The following EXOSC10 variants were observed in gnomAD, a reference collection of about 807,000 sequenced individuals.
EXOSC10 encodes the protein exosome complex component 10.
EXOSC10 carries 94 observed loss-of-function variants against 126.6 expected under a neutral mutation model. The ratio of observed to expected loss-of-function variants is 0.74; its 90% CI spans 0.63 to 0.88. The LOEUF (loss-of-function observed/expected upper bound fraction) is 0.88, where lower values mean the gene tolerates loss of function less well. Among genes scored for constraint, EXOSC10 ranks in the 40% least tolerant of loss-of-function variants. The probability of loss-of-function intolerance (pLI) is 0.00; values close to 1 mark genes in which losing one functional copy is unlikely to be tolerated. For missense variants in EXOSC10, 1,041 were observed against 1,100.5 expected, an observed-to-expected ratio of 0.95 and a Z score of 0.77; for synonymous variants, 395 against 400.8, an observed-to-expected ratio of 0.99 and a Z score of 0.17.
At chr1:11,075,318 C>A (rs1188898850) in intron 17 of EXOSC10, among the ~76,000 whole-genome samples, 2 of 152,128 alleles carry the variant, frequency 1.3e-5, no homozygotes, top group African/African-American at 4.8e-5. Context: ...CACGCCAGGC[C>A]TGAAATTTAG....
Position 11,073,958 on chromosome 1 carries a change from G to A in EXOSC10, c.2133C>T (p.Phe711=), listed in dbSNP as rs373184731. The part of the protein sequence containing the change: ...HRAPVSQAAK[F]DPSTKIYEIS... ...CTTCATAGATTTTGGTTGATGGATC[G>A]AACTTCGCTGCCTGAGAGACGGGAG... The change falls in exon 19 of 25, where the codon TTC becomes TTT. Residue 711 remains phenylalanine (F), a synonymous_variant. Coordinates refer to ENST00000376936, the MANE Select transcript of EXOSC10 (RefSeq NM_001001998.3). 2.5e-5 allele frequency: 40 copies of A among 1,612,482 alleles called. No homozygotes were observed. The highest frequency in any genetic ancestry group is 1.4e-4 in the South Asian group (13 of 91,028).
At chr1:11,068,549 G>T in intron 23 of EXOSC10, 96 bp downstream of exon 23, 1 of 921,570 alleles carries the variant, frequency 1.1e-6, no homozygotes, top group Non-Finnish European at 1.8e-6. Context: ...GATATGCAAA[G>T]GAATGGACTC....
Position 11,070,013 on chromosome 1 carries a change from A to G in EXOSC10, c.2317-283T>C, listed in dbSNP as rs113999862. Among the ~76,000 whole-genome samples, 594 of 152,110 alleles carry G rather than the reference A, an allele frequency of 3.9e-3. 2 individuals carry two copies. The highest frequency in any genetic ancestry group is 7.4e-3 in the Non-Finnish European group (504 of 67,988). ...TGCTTTGGGCGGCCTAGGTGGGAGG[A>G]CTGCTTTAGGCAGTCTGAGACCAGC... On this transcript the variant is annotated intron_variant, in intron 21 of 24. Coordinates refer to ENST00000376936, the MANE Select transcript of EXOSC10 (RefSeq NM_001001998.3).
rs780350936 is a variant in EXOSC10, at chr1:11,074,987, C to T, written c.1987-661G>A. 7.2e-5 allele frequency among the ~76,000 whole-genome samples: 11 copies of T among 152,202 alleles called. 1 individual carries two copies. The South Asian group carries it at 2.3e-3, about 32-fold the overall frequency. On this transcript the variant is annotated intron_variant, in intron 17 of 24. Coordinates refer to ENST00000376936, the MANE Select transcript of EXOSC10 (RefSeq NM_001001998.3). ...AGGATCTAAACCCACCATGGTCTGGCTCTAGAACATGAGGTCTTAATTGAT... is the reference window on the plus strand; with the variant it reads ...AGGATCTAAACCCACCATGGTCTGGTTCTAGAACATGAGGTCTTAATTGAT...
At chr1:11,086,369 A>T (rs1030621791) in intron 9 of EXOSC10, among the ~76,000 whole-genome samples, 2 of 152,156 alleles carry the variant, frequency 1.3e-5, no homozygotes, top group African/African-American at 4.8e-5. Context: ...TGTGTCGAGG[A>T]ATTTATCCAT....
At chr1:11,092,759 T>A (rs1404859582) in intron 3 of EXOSC10, among the ~76,000 whole-genome samples, 1 of 151,892 alleles carries the variant, frequency 6.6e-6, no homozygotes, top group Non-Finnish European at 1.5e-5. Context: ...CCTCAAGTGA[T>A]CCACCTGCCT....
chr1:11,090,594 AATC>A lies in EXOSC10; in HGVS notation c.715_717del (p.Asp239del). On this transcript the variant is annotated inframe_deletion, in exon 6 of 25. Coordinates refer to ENST00000376936, the MANE Select transcript of EXOSC10 (RefSeq NM_001001998.3). ...TGCTGGGTTCTCTGCTGATGGATGA[AATC>A]AGCCAGTGCAGGGGGGACGTCCAAG... The A allele has an allele frequency of 6.2e-7, 1 of 1,614,106 alleles. No homozygotes were observed. Among genetic ancestry groups the A allele is most frequent in the Non-Finnish European group, 8.5e-7 (1 of 1,180,004 alleles).
chr1:11,099,647 G>GAAT, intron 1 of EXOSC10, 74 bp downstream of exon 1: 2 of 1,415,368 alleles, frequency 1.4e-6, no homozygotes, highest in South Asian at 2.9e-5. Context: ...GCGGGCATTG[G>GAAT]CTGCCCAGAG....
Position 11,087,635 on chromosome 1 carries a change from A to G in EXOSC10, c.946-44T>C, listed in dbSNP as rs756157747. 10 of 1,603,086 alleles carry G rather than the reference A, an allele frequency of 6.2e-6. No individual in the cohort carries two copies. The Admixed American group carries it at 1.2e-4, about 19-fold the overall frequency. On this transcript the variant is annotated intron_variant, in intron 8 of 24. Transcript: ENST00000376936. The stretch of plus-strand genomic sequence containing the variant: ...GGGGAGAAGAGGAAAAACAAAGATT[A>G]TATTAGACTTTCCTTTACTGATTTT...
chr1:11,070,787 G>A (rs1012484550), intron 21 of EXOSC10, 113 bp downstream of exon 21: 37 of 911,796 alleles, frequency 4.1e-5, no homozygotes, highest in Non-Finnish European at 4.9e-5. Flanking sequence ...CCGGAAAGAA[G>A]TCAGGACTTA....
Position 11,074,018 on chromosome 1 carries a change from G to A in EXOSC10, c.2083-10C>T. On this transcript the variant is annotated splice_polypyrimidine_tract_variant and intron_variant, in intron 18 of 24. Coordinates refer to ENST00000376936, the MANE Select transcript of EXOSC10 (RefSeq NM_001001998.3). Reference sequence around the variant, plus strand: ...CCAGTGAGGGCAGAAACTGGAGGAAGGAAATGGCTGTGTGAAACGCTGCCG... The same window carrying A: ...CCAGTGAGGGCAGAAACTGGAGGAAAGAAATGGCTGTGTGAAACGCTGCCG... 1.9e-6 allele frequency: 3 copies of A among 1,613,600 alleles called. No individual in the cohort carries two copies. Among genetic ancestry groups the A allele is most frequent in the East Asian group, 2.2e-5 (1 of 44,892 alleles).
intron 14 of EXOSC10, among the ~76,000 whole-genome samples, chr1:11,078,838 G>A (rs1207244434): frequency 1.3e-5 from 2 of 152,270 alleles, no homozygotes; most frequent in East Asian, 3.9e-4. Context: ...TTACCAGACA[G>A]TACTTGCTGC....
At position 11,078,091 on chromosome 1, in the gene EXOSC10, A is replaced by C. The variant is rs1570807750; in HGVS notation, c.1750-440T>G. On this transcript the variant is annotated intron_variant, in intron 14 of 24. Transcript: ENST00000376936. ...GGTTCAAGACCAGTCTGGGAAACAC[A>C]GCAAGACCCATCTCTACAAAAAATT... 2.0e-5 allele frequency among the ~76,000 whole-genome samples: 3 copies of C among 152,170 alleles called. No individual in the cohort carries two copies. In the East Asian group the frequency reaches 5.8e-4, roughly 29 times the overall value.
At chr1:11,092,148 T>C (rs981586462) in intron 3 of EXOSC10, among the ~76,000 whole-genome samples, 5 of 152,254 alleles carry the variant, frequency 3.3e-5, no homozygotes, top group East Asian at 1.9e-4. Context: ...TGTAAGTTTT[T>C]GAGTTTACAA....
At position 11,088,208 on chromosome 1, in the gene EXOSC10, TAAAAC is replaced by T. The variant is rs1164852499; in HGVS notation, c.759-15_759-11del. On this transcript the variant is annotated splice_polypyrimidine_tract_variant and intron_variant, in intron 6 of 24. Transcript: ENST00000376936. Reference sequence around the variant, plus strand: ...ATAAGGATGTGCAAACCTGAGTAAATAAAACAAAAAGAGAAATCATTCTGATTAAT... The same window carrying T: ...ATAAGGATGTGCAAACCTGAGTAAATAAAAAGAGAAATCATTCTGATTAAT... 4 of 1,591,396 alleles carry T rather than the reference TAAAAC, an allele frequency of 2.5e-6. No homozygotes were observed. Among genetic ancestry groups the T allele is most frequent in the Non-Finnish European group, 3.4e-6 (4 of 1,167,700 alleles).
Position 11,078,124 on chromosome 1 carries a change from A to C in EXOSC10, c.1750-473T>G, listed in dbSNP as rs530217912. Reference sequence around the variant, plus strand: ...CCATCTCTACAAAAAATTAAAAAAAACATAGCTGGGTATGGTGGTGTATGC... The same window carrying C: ...CCATCTCTACAAAAAATTAAAAAAACCATAGCTGGGTATGGTGGTGTATGC... On this transcript the variant is annotated intron_variant, in intron 14 of 24. Transcript: ENST00000376936. 1.1e-3 allele frequency among the ~76,000 whole-genome samples: 165 copies of C among 152,236 alleles called. 1 individual carries two copies. Among genetic ancestry groups the C allele is most frequent in the South Asian group, 8.5e-3 (41 of 4,824 alleles).
chr1:11,071,709 C>A, intron 20 of EXOSC10: 1 of 123,904 alleles, frequency 8.1e-6, no homozygotes, highest in Non-Finnish European at 1.9e-5. Flanking sequence ...CTCTTCTCTA[C>A]CCGCTCTGCT....
Position 11,091,473 on chromosome 1 carries a change from T to G in EXOSC10, c.477+20A>C. On this transcript the variant is annotated intron_variant, in intron 4 of 24. Coordinates refer to ENST00000376936, the MANE Select transcript of EXOSC10 (RefSeq NM_001001998.3). ...ATGAAGCTGACATCAAGAGCTCTAG[T>G]TAATCTGAAAAGCCCTCACCTTACG... The G allele has an allele frequency of 6.2e-7, 1 of 1,600,402 alleles. No homozygotes were observed. Among genetic ancestry groups the G allele is most frequent in the South Asian group, 1.1e-5 (1 of 90,432 alleles).
intron 1 of EXOSC10, 119 bp downstream of exon 1, chr1:11,099,602 G>A (rs1452667456): frequency 1.4e-5 from 16 of 1,157,832 alleles, no homozygotes; most frequent in Non-Finnish European, 1.9e-5. Flanking sequence ...GCGGACAGGG[G>A]CCCCGCGACC....
Sources: allele counts gnomAD v4.1 joint callset (sites outside exome capture counted in the v4.1 genomes callset), GRCh38; gene constraint gnomAD v4.1.1; transcripts MANE v1.5; gene names NCBI Gene and HGNC (gene_info 2026-07-23, HGNC 2026-07-21).